Variants in GRIA3 observed in about 807,000 individuals in gnomAD.
The protein encoded by GRIA3 is glutamate receptor 3.
In GRIA3, 3 loss-of-function variants were observed where a neutral mutation model predicts 63.0. The observed-to-expected ratio is 0.05, with a 90% confidence interval of 0.02 to 0.12. GRIA3 has a LOEUF of 0.12. Ranked by LOEUF, GRIA3 falls within the 10% of genes least tolerant of loss-of-function variation. The probability of loss-of-function intolerance (pLI) is 1.00; values close to 1 mark genes in which losing one functional copy is unlikely to be tolerated. For missense variants in GRIA3, 347 were observed against 700.9 expected (o/e 0.50, Z 5.70); for synonymous variants, 274 against 257.9 (o/e 1.06, Z -0.60).
intron 12 of GRIA3, among the ~76,000 whole-genome samples, chrX:123,443,849 C>T (rs1168098920): frequency 1.8e-5 from 2 of 111,427 alleles, no homozygotes; most frequent in African/African-American, 6.5e-5. Flanking sequence ...AGTAGAGGAG[C>T]AGACTGGTCA....
chrX:123,419,130 G>A (rs1480217155), intron 11 of GRIA3, among the ~76,000 whole-genome samples: 3 of 112,044 alleles, frequency 2.7e-5, no homozygotes, highest in Admixed American at 9.4e-5. Context: ...ATGCTGGGCC[G>A]GGCGCGGTGA....
At chrX:123,258,162 C>T (rs2044430286) in intron 3 of GRIA3, among the ~76,000 whole-genome samples, 1 of 112,551 alleles carries the variant, frequency 8.9e-6, no homozygotes, top group South Asian at 3.7e-4. Flanking sequence ...ACCTTAACAT[C>T]TCTGTCTCAA....
chrX:123,230,856 A>G (rs1004886543), intron 2 of GRIA3, among the ~76,000 whole-genome samples: 2 of 112,079 alleles, frequency 1.8e-5, no homozygotes, highest in Non-Finnish European at 3.8e-5. Context: ...ATAAAACAGC[A>G]GACAAAGCCA....
intron 12 of GRIA3, among the ~76,000 whole-genome samples, chrX:123,458,630 T>C (rs926927986): frequency 2.7e-5 from 3 of 111,725 alleles, no homozygotes; most frequent in African/African-American, 9.7e-5. Context: ...GTGGATATAC[T>C]ATTGACCAAG....
chrX:123,277,636 G>A (rs952774701), intron 3 of GRIA3, among the ~76,000 whole-genome samples: 1 of 111,527 alleles, frequency 9.0e-6, no homozygotes, highest in African/African-American at 3.3e-5. Flanking sequence ...CTGTTGACTG[G>A]TTGCTCCCCA....
At chrX:123,282,776 C>T (rs1276418680) in intron 3 of GRIA3, among the ~76,000 whole-genome samples, 1 of 112,245 alleles carries the variant, frequency 8.9e-6, no homozygotes, top group African/African-American at 3.2e-5. Flanking sequence ...TGTGGTTGCA[C>T]GTGCCTGTAA....
chrX:123,414,633 C>T (rs1394883270), intron 10 of GRIA3, among the ~76,000 whole-genome samples: 1 of 96,349 alleles, frequency 1.0e-5, no homozygotes, highest in Non-Finnish European at 2.0e-5. Context: ...CATGTGTTCT[C>T]ATTGTTCAAC....
At chrX:123,198,585 A>G in intron 2 of GRIA3, among the ~76,000 whole-genome samples, 1 of 111,430 alleles carries the variant, frequency 9.0e-6, no homozygotes. Flanking sequence ...GGATGAGATC[A>G]CCTTTGAATA....
intron 5 of GRIA3, 82 bp from the exon 6 acceptor site, chrX:123,394,886 C>T (rs2045405023): frequency 2.8e-6 from 2 of 711,710 alleles, no homozygotes; most frequent in East Asian, 3.2e-5. Context: ...GGAGCTTTCA[C>T]ATTATCCTTA....
At chrX:123,232,084 T>C (rs949934285) in intron 2 of GRIA3, among the ~76,000 whole-genome samples, 1 of 111,770 alleles carries the variant, frequency 8.9e-6, no homozygotes, top group Admixed American at 9.5e-5. Context: ...TGTTAAATGA[T>C]GCTTACTGAA....
intron 3 of GRIA3, among the ~76,000 whole-genome samples, chrX:123,304,222 TAAC>T: frequency 1.8e-5 from 1 of 55,261 alleles, no homozygotes; most frequent in East Asian, 8.3e-4. Flanking sequence ...ACAACAACAA[TAAC>T]AACAACAACA....
In GRIA3 at chrX:123,446,045, G is replaced by C. The variant is rs770584131; in HGVS notation, c.2076+17906G>C. On this transcript the variant is annotated intron_variant, in intron 12 of 15. Transcript: ENST00000620443. Reference sequence around the variant, plus strand: ...TGCCTATGTTGAGCCAATCTATGTAGGTATGGTTACATCATTCTAGAAGTC... The same window carrying C: ...TGCCTATGTTGAGCCAATCTATGTACGTATGGTTACATCATTCTAGAAGTC... Among the ~76,000 whole-genome samples, 8 of 111,318 alleles carry C rather than the reference G, an allele frequency of 7.2e-5. No individual in the cohort carries two copies. The South Asian group carries it at 2.7e-3, about 38-fold the overall frequency.
chrX:123,394,911 A>G, intron 5 of GRIA3, 57 bp from the exon 6 acceptor site: 1 of 850,033 alleles, frequency 1.2e-6, no homozygotes. Context: ...TCTAACAGAT[A>G]TGGTGAGTAA....
At chrX:123,345,423 G>A (rs2045039086) in intron 4 of GRIA3, among the ~76,000 whole-genome samples, 1 of 95,142 alleles carries the variant, frequency 1.1e-5, no homozygotes, top group African/African-American at 4.2e-5. Flanking sequence ...GTCTCTGAGT[G>A]GGAGCCCCCC....
chrX:123,327,048 C>A (rs1486147747), intron 4 of GRIA3, among the ~76,000 whole-genome samples: 1 of 109,940 alleles, frequency 9.1e-6, no homozygotes, highest in Non-Finnish European at 1.9e-5. Flanking sequence ...TGCCTGTGAT[C>A]CCAGCTACTC....
At chrX:123,397,566 T>C (rs777334536) in intron 6 of GRIA3, among the ~76,000 whole-genome samples, 10 of 112,246 alleles carry the variant, frequency 8.9e-5, no homozygotes, top group Non-Finnish European at 1.3e-4. Flanking sequence ...GACACAAAGA[T>C]TTTTCTTCAT....
intron 13 of GRIA3, chrX:123,465,874 A>C (rs1387787401): frequency 5.7e-6 from 4 of 697,069 alleles, no homozygotes; most frequent in Non-Finnish European, 9.2e-6. Context: ...AGAGAGCACA[A>C]GACTCACACA....
chrX:123,273,443 G>A (rs1353724040), intron 3 of GRIA3, among the ~76,000 whole-genome samples: 1 of 112,094 alleles, frequency 8.9e-6, no homozygotes, highest in Non-Finnish European at 1.9e-5. Flanking sequence ...CCTTAAAAAT[G>A]AAGAAATAAA....
rs1156554001 is a variant in GRIA3 at position 123,253,451 on chromosome X, C to A, written c.417C>A (p.Ile139=). ...CTGACGCAGATGTGCAGTTTGTCAT[C>A]CAGATGCGCCCAGCCTTGAAGGGCG... ...FPTDADVQFV[I]QMRPALKGAI... Residue 139 remains isoleucine (I), a synonymous_variant, in exon 3 of 16, where the codon ATC becomes ATA. Coordinates refer to ENST00000620443, the MANE Select transcript of GRIA3 (RefSeq NM_007325.5). 2.5e-6 allele frequency: 3 copies of A among 1,207,692 alleles called. No individual in the cohort carries two copies. The highest frequency in any genetic ancestry group is 3.4e-6 in the Non-Finnish European group (3 of 893,391).
Sources: allele counts gnomAD v4.1 joint callset (sites outside exome capture counted in the v4.1 genomes callset), GRCh38; gene constraint gnomAD v4.1.1; transcripts MANE v1.5; gene names NCBI Gene and HGNC (gene_info 2026-07-23, HGNC 2026-07-21).